MTOR: variants seen among roughly 807,000 people sequenced by gnomAD.
MTOR encodes the protein mechanistic target of rapamycin kinase, also known as serine/threonine-protein kinase mTOR.
In MTOR, 70 loss-of-function variants were observed where a neutral mutation model predicts 319.8. The observed-to-expected ratio is 0.22, with a 90% confidence interval of 0.18 to 0.27. The LOEUF (loss-of-function observed/expected upper bound fraction) is 0.27, where lower values mean the gene tolerates loss of function less well. Among genes scored for constraint, MTOR ranks in the 10% least tolerant of loss-of-function variants. The pLI, the probability that MTOR is intolerant of heterozygous loss-of-function variation, is 1.00. For missense variants in MTOR, 1,890 were observed against 3,274.4 expected, an observed-to-expected ratio of 0.58 and a Z score of 10.32; for synonymous variants, 1,183 against 1,211.4, an observed-to-expected ratio of 0.98 and a Z score of 0.49.
rs1557754528 is a variant in MTOR at position 11,128,415 on chromosome 1, C to T, written c.5910+39G>A. The T allele has an allele frequency of 6.3e-7, 1 of 1,589,654 alleles. No individual in the cohort carries two copies. The highest frequency in any genetic ancestry group is 1.7e-5 in the Admixed American group (1 of 59,934). ...CTTTTGGAAAGGCTGACCACCAAACCAGTGGTTAGATGAGAAACTGCCCAG... is the reference window on the plus strand; with the variant it reads ...CTTTTGGAAAGGCTGACCACCAAACTAGTGGTTAGATGAGAAACTGCCCAG... On this transcript the variant is annotated intron_variant, in intron 42 of 57. Transcript: ENST00000361445. The surrounding 1 kb of genome is among the most constrained non-coding windows in gnomAD (Gnocchi z 5.3).
intron 19 of MTOR, among the ~76,000 whole-genome samples, chr1:11,227,100 C>T (rs540224861): frequency 5.3e-5 from 8 of 151,452 alleles, no homozygotes; most frequent in Non-Finnish European, 1.0e-4. Flanking sequence ...GAGCTCAAGA[C>T]CAGCCTGGCA....
Position 11,128,071 on chromosome 1 carries a change from T to C in MTOR, c.5966A>G (p.Asn1989Ser), listed in dbSNP as rs1052153852. Residue 1989 changes from asparagine (N) to serine (S), a missense_variant, in exon 43 of 58, where the codon AAT becomes AGT. Physicochemically the swap from Asn to Ser is conservative, Grantham distance 46 (BLOSUM62 1). This residue lies in a region of MTOR where 249 missense variants were observed against 596.2 expected (regional missense o/e 0.42). Transcript: ENST00000361445. The surrounding 1 kb of genome is among the most constrained non-coding windows in gnomAD (Gnocchi z 5.3). ...ASKSTTTARH[N>S]AANKILKNMC... ...GTTCTTCAGAATCTTGTTGGCTGCA[T>C]TGTGCCGGGCTGTCGTGGTAGACTT... 4.3e-6 allele frequency: 7 copies of C among 1,614,064 alleles called. No homozygotes were observed. Among genetic ancestry groups the C allele is most frequent in the African/African-American group, 2.7e-5 (2 of 74,936 alleles).
At chr1:11,185,351 G>C (rs1259311498) in intron 28 of MTOR, among the ~76,000 whole-genome samples, 1 of 150,256 alleles carries the variant, frequency 6.7e-6, no homozygotes, top group Non-Finnish European at 1.5e-5. Context: ...TGAGGCTGGA[G>C]GATCACTTGA....
rs543368014 is a variant in MTOR, at chr1:11,107,362, T to G, written c.*123A>C. 91 of 1,546,860 alleles carry G rather than the reference T, an allele frequency of 5.9e-5. No individual in the cohort carries two copies. In the East Asian group the frequency reaches 2.0e-3, roughly 35 times the overall value. On this transcript the variant is annotated 3_prime_UTR_variant, in exon 58 of 58. Transcript: ENST00000361445. ...AACTTTTAATATACAGTAGTTCTTTTCATTTACATTTCAAAATATTTAACA... is the reference window on the plus strand; with the variant it reads ...AACTTTTAATATACAGTAGTTCTTTGCATTTACATTTCAAAATATTTAACA...
intron 28 of MTOR, chr1:11,194,963 A>G (rs1645726557): frequency 6.2e-7 from 1 of 1,613,976 alleles, no homozygotes; most frequent in African/African-American, 1.3e-5. Flanking sequence ...GCTGGCATGG[A>G]TCTACCTACT....
In MTOR at chr1:11,212,249, C is replaced by T; in HGVS notation, c.3561+63G>A. On this transcript the variant is annotated intron_variant, in intron 23 of 57. Transcript: ENST00000361445. The surrounding 1 kb of genome is among the most constrained non-coding windows in gnomAD (Gnocchi z 4.1). ...CATCAGACAAAGTCTGAGTGGCTCA[C>T]AGACAAAGTCTTCTTTCCAAATAAG... 6.5e-7 allele frequency: 1 copy of T among 1,538,160 alleles called. No individual in the cohort carries two copies. Among genetic ancestry groups the T allele is most frequent in the Non-Finnish European group, 8.8e-7 (1 of 1,141,624 alleles).
intron 28 of MTOR, among the ~76,000 whole-genome samples, chr1:11,183,862 T>G (rs76022680): frequency 0.02 from 3,048 of 152,304 alleles, 110 homozygotes; most frequent in African/African-American, 0.07. Context: ...TGAGCTGACT[T>G]AGCAGTCCTT....
intron 9 of MTOR, among the ~76,000 whole-genome samples, chr1:11,242,493 T>TGC (rs1162632740): frequency 1.5e-5 from 1 of 67,210 alleles, no homozygotes; most frequent in African/African-American, 5.3e-5. Flanking sequence ...AAAGTAAGAC[T>TGC]CCATCTCAAA....
intron 17 of MTOR, 83 bp from the exon 18 acceptor site, chr1:11,231,137 A>G: frequency 6.2e-7 from 1 of 1,605,530 alleles, no homozygotes; most frequent in Non-Finnish European, 8.5e-7. Flanking sequence ...CTCTCAGGTT[A>G]CATAATCCCC....
chr1:11,173,285 C>T (rs539850633), intron 28 of MTOR, among the ~76,000 whole-genome samples: 10 of 152,102 alleles, frequency 6.6e-5, no homozygotes, highest in South Asian at 2.1e-4. Context: ...TGAGCCACCT[C>T]GCCTAGCCCA....
intron 34 of MTOR, among the ~76,000 whole-genome samples, chr1:11,141,216 A>T (rs1643684729): frequency 6.6e-6 from 1 of 152,114 alleles, no homozygotes; most frequent in Non-Finnish European, 1.5e-5. Flanking sequence ...CCCAGGTTCA[A>T]GCGATCCTCC....
chr1:11,184,255 C>T (rs1333104010), intron 28 of MTOR, among the ~76,000 whole-genome samples: 1 of 152,178 alleles, frequency 6.6e-6, no homozygotes, highest in African/African-American at 2.4e-5. Flanking sequence ...TCCATGGCCA[C>T]ACAGCAACCA....
At chr1:11,189,518 C>A (rs1424685117) in intron 28 of MTOR, 1 of 1,522,420 alleles carries the variant, frequency 6.6e-7, no homozygotes, top group East Asian at 2.3e-5. Context: ...CTTTGCAGAC[C>A]TCAGCTGGGC....
intron 1 of MTOR, among the ~76,000 whole-genome samples, chr1:11,261,835 A>G (rs1651176528): frequency 6.6e-6 from 1 of 152,162 alleles, no homozygotes; most frequent in South Asian, 2.1e-4. Context: ...TATTCTCAGG[A>G]AAGAACCAGT....
At chr1:11,177,653 TCA>T (rs1645031320) in intron 28 of MTOR, among the ~76,000 whole-genome samples, 1 of 152,170 alleles carries the variant, frequency 6.6e-6, no homozygotes, top group African/African-American at 2.4e-5. Flanking sequence ...TTCTGTCTGG[TCA>T]CAGTTTAAAT....
Position 11,115,370 on chromosome 1 carries a change from G to A in MTOR, c.7089+26C>T. ...AAAAGTGATCACCCGGGAAGATGAG[G>A]TTGGGGTTCTAGAACATGTGTTCAC... On this transcript the variant is annotated intron_variant, in intron 51 of 57. Coordinates refer to ENST00000361445, the MANE Select transcript of MTOR (RefSeq NM_004958.4). The surrounding 1 kb of genome is among the most constrained non-coding windows in gnomAD (Gnocchi z 4.5). The A allele has an allele frequency of 1.2e-6, 2 of 1,609,924 alleles. No homozygotes were observed. The highest frequency in any genetic ancestry group is 1.7e-6 in the Non-Finnish European group (2 of 1,176,190).
rs561930279 is a variant in MTOR, at chr1:11,193,333, T to C, written c.4253+5925A>G. 3.3e-4 allele frequency among the ~76,000 whole-genome samples: 49 copies of C among 150,450 alleles called. No individual in the cohort carries two copies. The South Asian group carries it at 8.2e-3, about 25-fold the overall frequency. On this transcript the variant is annotated intron_variant, in intron 28 of 57. Transcript: ENST00000361445. Reference sequence around the variant, plus strand: ...TTCAAAAAAAAAAAAAGTATCTGGATTTTTCCCTCCAAGCTTCATGTGCAC... The same window carrying C: ...TTCAAAAAAAAAAAAAGTATCTGGACTTTTCCCTCCAAGCTTCATGTGCAC...
At chr1:11,196,209 G>A (rs1435055125) in intron 28 of MTOR, among the ~76,000 whole-genome samples, 1 of 152,162 alleles carries the variant, frequency 6.6e-6, no homozygotes, top group Non-Finnish European at 1.5e-5. Flanking sequence ...AAGGCATCCA[G>A]CCTTATCAGA....
intron 8 of MTOR, among the ~76,000 whole-genome samples, chr1:11,244,358 C>T (rs12744973): frequency 6.7e-6 from 1 of 148,604 alleles, no homozygotes; most frequent in Admixed American, 6.7e-5. Context: ...CAGGGTCGGG[C>T]GCGGTGGCTC....
Sources: allele counts gnomAD v4.1 joint callset (sites outside exome capture counted in the v4.1 genomes callset), GRCh38; gene constraint gnomAD v4.1.1; regional missense constraint gnomAD v4.1.1; non-coding constraint Gnocchi (gnomAD v3.1); transcripts MANE v1.5; gene names NCBI Gene and HGNC (gene_info 2026-07-23, HGNC 2026-07-21).